Variants in THYN1 observed in about 807,000 individuals in gnomAD.
The protein encoded by THYN1 is thymocyte nuclear protein 1, also known as thymocyte protein thy28.
A neutral mutation model predicts 30.6 loss-of-function variants in THYN1; 32 were observed. That is an observed-to-expected ratio of 1.05 (90% CI 0.79 to 1.40). The LOEUF is 1.40. Ranked by LOEUF, THYN1 falls within the 40% of genes most tolerant of loss-of-function variation. The pLI is 0.00. For missense variants in THYN1, 259 were observed against 272.6 expected (o/e 0.95, Z 0.35); for synonymous variants, 107 against 90.8 (o/e 1.18, Z -1.01).
At position 134,252,461 on chromosome 11, in the gene THYN1, G is replaced by T. The variant is rs533245433; in HGVS notation, c.43+379C>A. 3.3e-5 allele frequency among the ~76,000 whole-genome samples: 5 copies of T among 152,230 alleles called. No individual in the cohort carries two copies. In the South Asian group the frequency reaches 1.0e-3, roughly 32 times the overall value. On this transcript the variant is annotated intron_variant, in intron 1 of 6. Transcript: ENST00000341541. Reference sequence around the variant, plus strand: ...CGTGGAAAGTCTCCCATTCTTCAAGGCTGGGCTCAAATTCCACATCCTTCT... The same window carrying T: ...CGTGGAAAGTCTCCCATTCTTCAAGTCTGGGCTCAAATTCCACATCCTTCT...
rs1372509903 is a variant in THYN1 at position 134,253,347 on chromosome 11, C to A, written c.-465G>T. 4 of 1,411,204 alleles carry A rather than the reference C, an allele frequency of 2.8e-6. No homozygotes were observed. Among genetic ancestry groups the A allele is most frequent in the African/African-American group, 2.9e-5 (2 of 68,804 alleles). The allele number at this position is 1,411,204 out of a possible 1,614,324, so 87.4% of individuals were successfully genotyped here. A position where few individuals can be genotyped will look rare whatever the true frequency, so the allele number is the denominator to read the frequency against. On this transcript the variant is annotated 5_prime_UTR_variant, in exon 1 of 7. Coordinates refer to ENST00000341541, the MANE Select transcript of THYN1 (RefSeq NM_014174.3). The stretch of plus-strand genomic sequence containing the variant: ...CGGTCCGCCTCCGCTGCGCCGCAGG[C>A]TGTGCAGCGCGACCCCCGCGGCGCT...
At chr11:134,250,946 C>T (rs1457559775) in intron 2 of THYN1, among the ~76,000 whole-genome samples, 184 bp downstream of exon 2, 1 of 152,222 alleles carries the variant, frequency 6.6e-6, no homozygotes, top group East Asian at 1.9e-4. Flanking sequence ...TTAGCCAACC[C>T]CTGCCCTAGA....
rs1053741084 is a variant in THYN1, at chr11:134,250,006, A to G, written c.292-86T>C. On this transcript the variant is annotated intron_variant, in intron 3 of 6. Coordinates refer to ENST00000341541, the MANE Select transcript of THYN1 (RefSeq NM_014174.3). ...CAGAAATCAAGTCTGCTTTTAATAGATGGGTGATTCTTGTCTGCAACTCCT... is the reference window on the plus strand; with the variant it reads ...CAGAAATCAAGTCTGCTTTTAATAGGTGGGTGATTCTTGTCTGCAACTCCT... 3.6e-5 allele frequency: 48 copies of G among 1,345,674 alleles called. No individual in the cohort carries two copies. The African/African-American group carries it at 6.9e-4, about 19-fold the overall frequency. The allele number at this position is 1,345,674 out of a possible 1,614,324, so 83.4% of individuals were successfully genotyped here.
At position 134,248,819 on chromosome 11, in the gene THYN1, G is replaced by A; in HGVS notation, c.621C>T (p.Pro207=). 6.2e-7 allele frequency: 1 copy of A among 1,614,172 alleles called. No homozygotes were observed. The highest frequency in any genetic ancestry group is 8.5e-7 in the Non-Finnish European group (1 of 1,180,020). ...AGGGCCCACTCTTACCCTGGGTCAG[G>A]GGCTGGATTGATAATCTCTGGCGAG... ...LFTRQRLSIQ[P]LTQEEFDFVL... The change falls in exon 6 of 7, where the codon CCC becomes CCT. Residue 207 remains proline (P), a synonymous_variant. Transcript: ENST00000341541.
intron 1 of THYN1, 131 bp downstream of exon 1, chr11:134,252,709 G>A (rs886931598): frequency 9.8e-7 from 1 of 1,023,380 alleles, no homozygotes; most frequent in Non-Finnish European, 1.5e-6. Context: ...GATGGAGAGT[G>A]ATTAAGGATA....
At chr11:134,251,343 TTGTTAAAGGCAA>T (rs1939040617) in intron 1 of THYN1, 35 bp from the exon 2 acceptor site, 1 of 1,580,920 alleles carries the variant, frequency 6.3e-7, no homozygotes, top group African/African-American at 1.4e-5. Context: ...AAGATCATGC[TTGTTAAAGGCAA>T]TGTTTCATAA....
intron 2 of THYN1, 130 bp from the exon 3 acceptor site, chr11:134,250,473 G>A (rs911728854): frequency 2.4e-5 from 23 of 947,816 alleles, no homozygotes; most frequent in Middle Eastern, 4.3e-4. Flanking sequence ...GTAGTTCACC[G>A]GGAAGTGGCT....
At chr11:134,249,495 A>G (rs1254601619) in intron 4 of THYN1, among the ~76,000 whole-genome samples, 1 of 152,236 alleles carries the variant, frequency 6.6e-6, no homozygotes, top group Non-Finnish European at 1.5e-5. Context: ...ACAAATGGCA[A>G]AGGTTATTAC....
At chr11:134,248,620 C>G in intron 6 of THYN1, 136 bp from the exon 7 acceptor site, 1 of 1,352,956 alleles carries the variant, frequency 7.4e-7, no homozygotes, top group Middle Eastern at 2.0e-4. Context: ...TTACCAGGTG[C>G]CAAGCACTAT....
chr11:134,248,324 T>C lies in THYN1; in HGVS notation c.*114A>G. 1.7e-6 allele frequency: 2 copies of C among 1,189,214 alleles called. No individual in the cohort carries two copies. Among genetic ancestry groups the C allele is most frequent in the South Asian group, 2.4e-5 (2 of 82,480 alleles). The allele number at this position is 1,189,214 out of a possible 1,614,324, so 73.7% of individuals were successfully genotyped here. A position where few individuals can be genotyped will look rare whatever the true frequency, so the allele number is the denominator to read the frequency against. ...ATTGAAAAAAGTACACAAAAACCACTGAGGTACACAAGCCCAGGTAAGCAT... is the reference window on the plus strand; with the variant it reads ...ATTGAAAAAAGTACACAAAAACCACCGAGGTACACAAGCCCAGGTAAGCAT... On this transcript the variant is annotated 3_prime_UTR_variant, in exon 7 of 7. Coordinates refer to ENST00000341541, the MANE Select transcript of THYN1 (RefSeq NM_014174.3).
Position 134,250,316 on chromosome 11 carries a change from G to T in THYN1, c.250C>A (p.Pro84Thr), listed in dbSNP as rs752617817. ...KFSIEDLKAQ[P>T]KQTTCWDGVR... ...CCATCCCAGCATGTTGTCTGTTTGG[G>T]CTGTGCTTTGAGATCCTCAATGCTG... is the stretch of plus-strand genomic sequence containing the variant. The change falls in exon 3 of 7, where the codon CCC (proline) becomes ACC (threonine). Residue 84 changes from proline (P) to threonine (T), a missense_variant. Coordinates refer to ENST00000341541, the MANE Select transcript of THYN1 (RefSeq NM_014174.3). 1 of 1,613,990 alleles carries T rather than the reference G, an allele frequency of 6.2e-7. No homozygotes were observed. Among genetic ancestry groups the T allele is most frequent in the African/African-American group, 1.3e-5 (1 of 74,884 alleles).
chr11:134,251,449 G>C, intron 1 of THYN1, 141 bp from the exon 2 acceptor site: 1 of 935,982 alleles, frequency 1.1e-6, no homozygotes, highest in Non-Finnish European at 1.6e-6. Context: ...TTACTGTTAA[G>C]AAGCTTTCCT....
chr11:134,250,053 C>A, intron 3 of THYN1, 133 bp from the exon 4 acceptor site: 1 of 1,040,724 alleles, frequency 9.6e-7, no homozygotes, highest in Non-Finnish European at 1.4e-6. Flanking sequence ...AAAGTCCTTC[C>A]CCTTTGCCAG....
At position 134,248,294 on chromosome 11, in the gene THYN1, A is replaced by G. The variant is rs749133364; in HGVS notation, c.*144T>C. ...AGAAGAAAAGTTCTTCAACTTTGAT[A>G]TTTTATTGAAAAAAGTACACAAAAA... On this transcript the variant is annotated 3_prime_UTR_variant, in exon 7 of 7. Coordinates refer to ENST00000341541, the MANE Select transcript of THYN1 (RefSeq NM_014174.3). The G allele has an allele frequency of 3.0e-6, 3 of 985,752 alleles. No individual in the cohort carries two copies. The Admixed American group carries it at 5.1e-5, about 17-fold the overall frequency. The allele number at this position is 985,752 out of a possible 1,614,324, so 61.1% of individuals were successfully genotyped here. A position where few individuals can be genotyped will look rare whatever the true frequency, so the allele number is the denominator to read the frequency against.
chr11:134,251,171 A>C lies in THYN1; in HGVS notation c.181T>G (p.Ser61Ala). 6.2e-7 allele frequency: 1 copy of C among 1,614,112 alleles called. No individual in the cohort carries two copies. The highest frequency in any genetic ancestry group is 8.5e-7 in the Non-Finnish European group (1 of 1,180,016). ...KNLSSHWLMK[S>A]EPESRLEKGV... ...TTCTCTAGGCGGCTCTCTGGCTCTG[A>C]CTTCATCAGCCAGTGGCTGCTTAGA... is the stretch of plus-strand genomic sequence containing the variant. Residue 61 changes from serine (S) to alanine (A), a missense_variant, in exon 2 of 7, where the codon TCA becomes GCA. Coordinates refer to ENST00000341541, the MANE Select transcript of THYN1 (RefSeq NM_014174.3).
intron 1 of THYN1, chr11:134,251,528 A>G: frequency 1.9e-6 from 1 of 534,348 alleles, no homozygotes; most frequent in Non-Finnish European, 3.2e-6. Flanking sequence ...TCAATAGGGT[A>G]AGAACACCTT....
chr11:134,249,107 A>G, intron 5 of THYN1, 60 bp downstream of exon 5: 1 of 1,571,826 alleles, frequency 6.4e-7, no homozygotes, highest in Non-Finnish European at 8.7e-7. Context: ...AGTCACCCCA[A>G]CCGTCTTCTT....
Position 134,253,168 on chromosome 11 carries a change from T to A in THYN1, c.-286A>T, listed in dbSNP as rs950937465. 1.5e-6 allele frequency: 2 copies of A among 1,344,638 alleles called. No homozygotes were observed. Among genetic ancestry groups the A allele is most frequent in the Non-Finnish European group, 1.9e-6 (2 of 1,052,452 alleles). 83.3% of individuals were successfully genotyped at this position (1,344,638 alleles called of 1,614,324 possible). On this transcript the variant is annotated 5_prime_UTR_variant, in exon 1 of 7. Coordinates refer to ENST00000341541, the MANE Select transcript of THYN1 (RefSeq NM_014174.3). The stretch of plus-strand genomic sequence containing the variant: ...ACCCCTATCTCAGTATGTAGTTCAC[T>A]GGGAAGTGGCTCCACAGAGACACTT...
rs747662141 is a variant in THYN1, at chr11:134,252,853, C to T, written c.30G>A (p.Gly10=). Residue 10 remains glycine, a synonymous_variant, in exon 1 of 7, where the codon GGG becomes GGA. Coordinates refer to ENST00000341541, the MANE Select transcript of THYN1 (RefSeq NM_014174.3). MSRPRKRLA[G]TSGSDKGLSG... is the part of the protein sequence containing the mutation. ...GGGGCAGCTCACCTGAACCAGAAGT[C>T]CCAGCCAGCCTCTTCCGGGGTCTCG... 5 of 1,609,820 alleles carry T rather than the reference C, an allele frequency of 3.1e-6. No individual in the cohort carries two copies. The Admixed American group carries it at 8.5e-5, about 27-fold the overall frequency.
Sources: gnomAD v4.1 joint callset for allele counts (sites outside exome capture counted in the v4.1 genomes callset) on GRCh38, gnomAD v4.1.1 for gene constraint, MANE v1.5 for transcripts, NCBI Gene and HGNC (gene_info 2026-07-23, HGNC 2026-07-21) for gene names.